Variants in L3MBTL4 observed in about 807,000 individuals in gnomAD.
The protein encoded by L3MBTL4 is L3MBTL histone methyl-lysine binding protein 4, also known as lethal(3)malignant brain tumor-like protein 4.
L3MBTL4 carries 70 observed loss-of-function variants against 84.5 expected under a neutral mutation model. The ratio of observed to expected loss-of-function variants is 0.83; its 90% CI spans 0.68 to 1.01. The LOEUF (loss-of-function observed/expected upper bound fraction) is 1.01, where lower values mean the gene tolerates loss of function less well. L3MBTL4 is among the 50% of genes least tolerant of loss of function. The pLI, the probability that L3MBTL4 is intolerant of heterozygous loss-of-function variation, is 0.00. For synonymous variants in L3MBTL4, 274 were observed against 259.8 expected, an observed-to-expected ratio of 1.05 and a Z score of -0.52; for missense variants, 715 against 754.8, an observed-to-expected ratio of 0.95 and a Z score of 0.62.
In L3MBTL4 at chr18:6,129,717, C is replaced by A. The variant is rs2059817412; in HGVS notation, c.1199+8477G>T. Among the ~76,000 whole-genome samples, 3 of 152,132 alleles carry A rather than the reference C, an allele frequency of 2.0e-5. No individual in the cohort carries two copies. The South Asian group carries it at 6.2e-4, about 32-fold the overall frequency. ...TTTGCATTTGTTCTAGGTGACTGGA[C>A]TTTTTCTCAACAATTTCTTATTTCA... On this transcript the variant is annotated intron_variant, in intron 14 of 18. Transcript: ENST00000317931.
intron 4 of L3MBTL4, among the ~76,000 whole-genome samples, chr18:6,294,076 G>A (rs1392622270): frequency 2.0e-5 from 3 of 152,046 alleles, no homozygotes; most frequent in Non-Finnish European, 2.9e-5. Flanking sequence ...ACTGTGGTTG[G>A]GCAGGGCATG....
rs1725289907 is a variant in L3MBTL4 at position 6,238,125 on chromosome 18, A to G, written c.708-85T>C. Reference sequence around the variant, plus strand: ...AGAGTAACAATCATTCTGGATATCAACAGATACCACAGAAAACAGTACTTC... The same window carrying G: ...AGAGTAACAATCATTCTGGATATCAGCAGATACCACAGAAAACAGTACTTC... On this transcript the variant is annotated intron_variant, in intron 9 of 18. Transcript: ENST00000317931. The G allele has an allele frequency of 2.6e-6, 3 of 1,161,906 alleles. No individual in the cohort carries two copies. In the Admixed American group the frequency reaches 5.1e-5, roughly 20 times the overall value. The allele number at this position is 1,161,906 out of a possible 1,614,324, so 72.0% of individuals were successfully genotyped here. A position where few individuals can be genotyped will look rare whatever the true frequency, so the allele number is the denominator to read the frequency against.
chr18:6,210,285 GGACA>G (rs2046049555), intron 12 of L3MBTL4, among the ~76,000 whole-genome samples: 1 of 152,208 alleles, frequency 6.6e-6, no homozygotes, highest in Non-Finnish European at 1.5e-5. Flanking sequence ...CCTCCAGGTA[GGACA>G]GACAATGTGG....
chr18:6,402,389 T>C (rs996435256), intron 1 of L3MBTL4, among the ~76,000 whole-genome samples: 1 of 152,194 alleles, frequency 6.6e-6, no homozygotes, highest in East Asian at 1.9e-4. Context: ...AATATAAGCA[T>C]CTATGATTTA....
intron 10 of L3MBTL4, among the ~76,000 whole-genome samples, chr18:6,226,162 T>A (rs1301826402): frequency 1.3e-5 from 2 of 152,144 alleles, no homozygotes; most frequent in African/African-American, 4.8e-5. Flanking sequence ...ATCCCAACAC[T>A]TTCGGAGGCA....
chr18:5,978,254 C>T (rs1179846794), intron 16 of L3MBTL4, among the ~76,000 whole-genome samples: 12 of 152,172 alleles, frequency 7.9e-5, no homozygotes, highest in Admixed American at 5.2e-4. Flanking sequence ...ATTTCATACA[C>T]GAGCAGCAGA....
At chr18:6,022,292 T>C (rs2055307979) in intron 16 of L3MBTL4, among the ~76,000 whole-genome samples, 1 of 152,212 alleles carries the variant, frequency 6.6e-6, no homozygotes, top group Non-Finnish European at 1.5e-5. Flanking sequence ...GCAGTATTCA[T>C]GGAGCTGTGC....
intron 16 of L3MBTL4, among the ~76,000 whole-genome samples, chr18:5,970,463 G>A (rs1429260778): frequency 6.6e-6 from 1 of 152,170 alleles, no homozygotes; most frequent in East Asian, 1.9e-4. Flanking sequence ...TTAAGGAAAA[G>A]GTCTCAATTC....
intron 16 of L3MBTL4, among the ~76,000 whole-genome samples, chr18:6,020,214 G>A (rs1402619500): frequency 6.6e-6 from 1 of 152,154 alleles, no homozygotes; most frequent in Non-Finnish European, 1.5e-5. Context: ...GAGGGAGGGG[G>A]AGCTAGGAAT....
chr18:6,353,777 T>C, intron 1 of L3MBTL4, among the ~76,000 whole-genome samples: 1 of 151,330 alleles, frequency 6.6e-6, no homozygotes, highest in East Asian at 1.9e-4. Flanking sequence ...ATGAAAGAAA[T>C]TGAAGAGGAT....
intron 5 of L3MBTL4, among the ~76,000 whole-genome samples, chr18:6,246,302 T>A (rs1256095282): frequency 6.6e-6 from 1 of 152,198 alleles, no homozygotes; most frequent in Non-Finnish European, 1.5e-5. Context: ...AAACTGCCAA[T>A]ATACTTTGCT....
chr18:5,997,062 A>G (rs1198256496), intron 16 of L3MBTL4, among the ~76,000 whole-genome samples: 1 of 150,992 alleles, frequency 6.6e-6, no homozygotes, highest in Non-Finnish European at 1.5e-5. Context: ...GGAAAAAACT[A>G]AACAATAAAA....
intron 13 of L3MBTL4, among the ~76,000 whole-genome samples, chr18:6,146,952 A>G (rs1004949240): frequency 6.6e-6 from 1 of 151,928 alleles, no homozygotes; most frequent in African/African-American, 2.4e-5. Context: ...CGATGGCAGA[A>G]GGAAGACAAA....
At chr18:6,336,577 G>A (rs1490701759) in intron 1 of L3MBTL4, among the ~76,000 whole-genome samples, 1 of 152,150 alleles carries the variant, frequency 6.6e-6, no homozygotes, top group African/African-American at 2.4e-5. Flanking sequence ...ATTCGTGGAG[G>A]GGAATGCTTG....
chr18:6,309,727 C>T (rs188692192), intron 3 of L3MBTL4, among the ~76,000 whole-genome samples: 34 of 152,136 alleles, frequency 2.2e-4, no homozygotes, highest in African/African-American at 6.0e-4. Flanking sequence ...AAGAGGCAAA[C>T]GGTTAAATAC....
At chr18:6,016,723 C>G (rs560625993) in intron 16 of L3MBTL4, among the ~76,000 whole-genome samples, 1 of 152,196 alleles carries the variant, frequency 6.6e-6, no homozygotes, top group Non-Finnish European at 1.5e-5. Flanking sequence ...GCTAAGTCTA[C>G]AAAACCTATG....
intron 4 of L3MBTL4, among the ~76,000 whole-genome samples, chr18:6,269,988 T>C (rs541612395): frequency 8.5e-5 from 13 of 152,224 alleles, no homozygotes; most frequent in Non-Finnish European, 1.6e-4. Context: ...CCAATTCCAT[T>C]AGCCATAAAC....
chr18:6,247,189 G>A (rs2047701856), intron 5 of L3MBTL4, among the ~76,000 whole-genome samples: 1 of 151,944 alleles, frequency 6.6e-6, no homozygotes, highest in African/African-American at 2.4e-5. Flanking sequence ...ACATTCTCTT[G>A]CAAAACCATA....
At chr18:5,966,160 C>T (rs1453856603) in intron 17 of L3MBTL4, among the ~76,000 whole-genome samples, 4 of 152,128 alleles carry the variant, frequency 2.6e-5, no homozygotes, top group Admixed American at 1.3e-4. Flanking sequence ...CTCCCAATCC[C>T]GTGATTTTGT....
Sources: gnomAD v4.1 joint callset for allele counts (sites outside exome capture counted in the v4.1 genomes callset) on GRCh38, gnomAD v4.1.1 for gene constraint, MANE v1.5 for transcripts, NCBI Gene and HGNC (gene_info 2026-07-23, HGNC 2026-07-21) for gene names.